The following NFXL1 variants were observed in gnomAD, a reference collection of about 807,000 sequenced individuals.
NFXL1 encodes NF-X1-type zinc finger protein NFXL1.
A neutral mutation model predicts 123.3 loss-of-function variants in NFXL1; 66 were observed. That is an observed-to-expected ratio of 0.54 (90% CI 0.44 to 0.66). The LOEUF is 0.66. NFXL1 is among the 30% of genes least tolerant of loss of function. The pLI, the probability that NFXL1 is intolerant of heterozygous loss-of-function variation, is 0.00. For synonymous variants in NFXL1, 346 were observed against 360.8 expected (o/e 0.96, Z 0.46); for missense variants, 944 against 1,125.6 (o/e 0.84, Z 2.31).
At position 47,847,753 on chromosome 4, in the gene NFXL1, G is replaced by A. The variant is rs570623316; in HGVS notation, c.*410C>T. ...AAAAGCACAAAGTTAACAGTATCAA[G>A]AAAAGTACTCTATCATAAGTAACCA... On this transcript the variant is annotated 3_prime_UTR_variant, in exon 23 of 23. Coordinates refer to ENST00000507489, the MANE Select transcript of NFXL1 (RefSeq NM_001278624.2). 1 of 153,214 alleles carries A rather than the reference G, an allele frequency of 6.5e-6. No homozygotes were observed. Among genetic ancestry groups the A allele is most frequent in the South Asian group, 2.1e-4 (1 of 4,840 alleles). The allele number at this position is 153,214 out of a possible 1,614,324, so 9.5% of individuals were successfully genotyped here.
chr4:47,862,272 C>T (rs1309427003), intron 19 of NFXL1, among the ~76,000 whole-genome samples: 1 of 152,154 alleles, frequency 6.6e-6, no homozygotes, highest in Non-Finnish European at 1.5e-5. Context: ...TTTAAAAACA[C>T]AACTTTATAG....
chr4:47,907,331 G>A (rs936441662), intron 3 of NFXL1, among the ~76,000 whole-genome samples: 5 of 152,152 alleles, frequency 3.3e-5, no homozygotes, highest in Non-Finnish European at 7.3e-5. Flanking sequence ...TGGCTTGGGA[G>A]GGTGACTGAG....
chr4:47,885,176 T>C (rs1736351527), intron 14 of NFXL1, among the ~76,000 whole-genome samples: 1 of 150,740 alleles, frequency 6.6e-6, no homozygotes, highest in African/African-American at 2.4e-5. Flanking sequence ...AAATAAAATA[T>C]TAAAAAGTGA....
intron 19 of NFXL1, among the ~76,000 whole-genome samples, chr4:47,857,545 A>T (rs1734484580): frequency 6.6e-6 from 1 of 152,084 alleles, no homozygotes; most frequent in South Asian, 2.1e-4. Context: ...CATCTTCACA[A>T]TTTCATTGAC....
intron 11 of NFXL1, among the ~76,000 whole-genome samples, chr4:47,890,944 C>T (rs1166572651): frequency 1.3e-5 from 2 of 152,134 alleles, no homozygotes; most frequent in Non-Finnish European, 2.9e-5. Flanking sequence ...TGATTCAAAA[C>T]ATTTCCATCA....
chr4:47,878,665 C>A lies in NFXL1; in HGVS notation c.1939G>T (p.Val647Leu). The part of the protein sequence containing the change: ...IPMECLGKHE[V>L]SPLPCHAVGP... ...ACAGCATGGCATGGTAGTGGACTCA[C>A]CTTAAAAAATAAAGGAAATCAGCAC... The change falls in exon 17 of 23, where the codon GTG (valine) becomes TTG (leucine). Residue 647 changes from valine (V) to leucine (L), a missense_variant and splice_region_variant. By Grantham distance (32) the Val-to-Leu change is conservative. Coordinates refer to ENST00000507489, the MANE Select transcript of NFXL1 (RefSeq NM_001278624.2). 1 of 1,523,568 alleles carries A rather than the reference C, an allele frequency of 6.6e-7. No individual in the cohort carries two copies. The highest frequency in any genetic ancestry group is 1.3e-5 in the South Asian group (1 of 75,454). 94.4% of individuals were successfully genotyped at this position (1,523,568 alleles called of 1,614,324 possible).
rs767706687 is a variant in NFXL1, at chr4:47,884,389, G to T, written c.1873C>A (p.Gln625Lys). The T allele has an allele frequency of 3.1e-6, 5 of 1,610,992 alleles. No individual in the cohort carries two copies. Among genetic ancestry groups the T allele is most frequent in the Non-Finnish European group, 4.2e-6 (5 of 1,177,636 alleles). ...WEQPSEPAFI[Q>K]TALPCPPCQV... The stretch of plus-strand genomic sequence containing the variant: ...CATGGAGGACACGGTAATGCAGTCT[G>T]AATAAATGCTGGCTCAGAAGGCTGT... Residue 625 changes from glutamine to lysine, a missense_variant, in exon 15 of 23, where the codon CAG becomes AAG. Transcript: ENST00000507489.
At chr4:47,899,591 A>ATCCGTGGCTTGTGCCTCATTCATGTGGCC in intron 5 of NFXL1, 43 bp from the exon 6 acceptor site, 1 of 1,293,526 alleles carries the variant, frequency 7.7e-7, no homozygotes, top group Non-Finnish European at 1.1e-6. Context: ...TTCACCTTTA[A>ATCCGTGGCTTGTGCCTCATTCATGTGGCC]AAGCAACATG....
chr4:47,856,936 C>CT (rs1456076071), intron 19 of NFXL1, among the ~76,000 whole-genome samples: 2 of 152,126 alleles, frequency 1.3e-5, no homozygotes, highest in African/African-American at 2.4e-5. Flanking sequence ...CTGCCAGTGC[C>CT]TTTAGCCAGA....
At position 47,898,985 on chromosome 4, in the gene NFXL1, T is replaced by C. The variant is rs746094601; in HGVS notation, c.962A>G (p.His321Arg). 48 of 1,614,016 alleles carry C rather than the reference T, an allele frequency of 3.0e-5. No homozygotes were observed. Among genetic ancestry groups the C allele is most frequent in the Non-Finnish European group, 3.6e-5 (42 of 1,180,028 alleles). Residue 321 changes from histidine to arginine, a missense_variant, in exon 7 of 23, where the codon CAT becomes CGT. By Grantham distance (29) the His-to-Arg change is conservative. Coordinates refer to ENST00000507489, the MANE Select transcript of NFXL1 (RefSeq NM_001278624.2). Reference sequence around the variant, plus strand: ...TGCATGACAAGGATTTTCACACTTATGTTGCCCACAAAGCAACTTCTGTCC... The same window carrying C: ...TGCATGACAAGGATTTTCACACTTACGTTGCCCACAAAGCAACTTCTGTCC... ...PCGQKLLCGQ[H>R]KCENPCHAGS... is the part of the protein sequence containing the mutation.
rs1723024435 is a variant in NFXL1, at chr4:47,913,887, G to A, written c.235+82C>T. On this transcript the variant is annotated intron_variant, in intron 2 of 22. Coordinates refer to ENST00000507489, the MANE Select transcript of NFXL1 (RefSeq NM_001278624.2). ...ACGAGGGGAAAAGCAGTGAAAGAAAGAAGGCGAGGGCGGAGGCGGTCCTGA... is the reference window on the plus strand; with the variant it reads ...ACGAGGGGAAAAGCAGTGAAAGAAAAAAGGCGAGGGCGGAGGCGGTCCTGA... 7.7e-6 allele frequency: 7 copies of A among 907,522 alleles called. No homozygotes were observed. In the South Asian group the frequency reaches 1.4e-4, roughly 18 times the overall value. 56.2% of individuals were successfully genotyped at this position (907,522 alleles called of 1,614,324 possible).
At chr4:47,879,326 A>C (rs1735943307) in intron 15 of NFXL1, among the ~76,000 whole-genome samples, 1 of 152,140 alleles carries the variant, frequency 6.6e-6, no homozygotes, top group African/African-American at 2.4e-5. Context: ...TAAAAACATA[A>C]CACTACATTA....
At chr4:47,905,406 A>C in intron 3 of NFXL1, 60 bp from the exon 4 acceptor site, 1 of 776,566 alleles carries the variant, frequency 1.3e-6, no homozygotes, top group Non-Finnish European at 2.3e-6. Flanking sequence ...ACACAAACTC[A>C]CTAATAGCAC....
Position 47,885,963 on chromosome 4 carries a change from TTCACA to T in NFXL1, c.1575_1579del (p.Asp525GlufsTer3). On this transcript the variant is annotated frameshift_variant, in exon 13 of 23. Transcript: ENST00000507489. LOFTEE classifies it high-confidence loss of function. ...CACCTTTGTATTGCCACAATTACAC[TTCACA>T]TCTACGGTTTCTGGGCAGGGATAGC... 1 of 1,613,798 alleles carries T rather than the reference TTCACA, an allele frequency of 6.2e-7. No individual in the cohort carries two copies. Among genetic ancestry groups the T allele is most frequent in the African/African-American group, 1.3e-5 (1 of 75,018 alleles).
chr4:47,881,614 A>C (rs1447473845), intron 15 of NFXL1, among the ~76,000 whole-genome samples: 9 of 152,236 alleles, frequency 5.9e-5, no homozygotes, highest in Admixed American at 5.9e-4. Context: ...CTTAATTGCC[A>C]AACTTGGAAG....
intron 1 of NFXL1, 78 bp from the exon 2 acceptor site, chr4:47,914,283 G>A: frequency 2.6e-6 from 3 of 1,165,038 alleles, no homozygotes; most frequent in Non-Finnish European, 2.3e-6. Flanking sequence ...GGTCAGTGCG[G>A]AAACCCGGTG....
Position 47,898,941 on chromosome 4 carries a change from A to C in NFXL1, c.988+18T>G, listed in dbSNP as rs373779029. On this transcript the variant is annotated intron_variant, in intron 7 of 22. Coordinates refer to ENST00000507489, the MANE Select transcript of NFXL1 (RefSeq NM_001278624.2). Reference sequence around the variant, plus strand: ...TTTTGCTTAAAGTCAGAAAAATCTAATGGGTATGGCCTTTTACCTGCATGA... The same window carrying C: ...TTTTGCTTAAAGTCAGAAAAATCTACTGGGTATGGCCTTTTACCTGCATGA... 5.3e-5 allele frequency: 85 copies of C among 1,613,568 alleles called. No homozygotes were observed. The highest frequency in any genetic ancestry group is 7.0e-5 in the Non-Finnish European group (83 of 1,179,530).
intron 5 of NFXL1, among the ~76,000 whole-genome samples, chr4:47,901,186 A>AT (rs1737341963): frequency 6.6e-6 from 1 of 152,220 alleles, no homozygotes; most frequent in African/African-American, 2.4e-5. Context: ...AGAAACCTAT[A>AT]TTTTAAATTT....
chr4:47,871,603 G>A (rs1735437390), intron 18 of NFXL1, among the ~76,000 whole-genome samples: 1 of 152,100 alleles, frequency 6.6e-6, no homozygotes, highest in African/African-American at 2.4e-5. Flanking sequence ...GTTTGATGAG[G>A]AACAAGCTAT....
Sources: gnomAD v4.1 joint callset for allele counts (sites outside exome capture counted in the v4.1 genomes callset) on GRCh38, gnomAD v4.1.1 for gene constraint, MANE v1.5 for transcripts, NCBI Gene and HGNC (gene_info 2026-07-23, HGNC 2026-07-21) for gene names.